The following GRAMD4 variants were observed in gnomAD, a reference collection of about 807,000 sequenced individuals.
The protein encoded by GRAMD4 is GRAM domain-containing protein 4.
A neutral mutation model predicts 83.9 loss-of-function variants in GRAMD4; 25 were observed. The ratio of observed to expected loss-of-function variants is 0.30; its 90% CI spans 0.22 to 0.42. GRAMD4 has a LOEUF of 0.42. GRAMD4 is among the 10% of genes least tolerant of loss of function. The pLI is 1.00. For synonymous variants in GRAMD4, 336 were observed against 320.9 expected, an observed-to-expected ratio of 1.05 and a Z score of -0.50; for missense variants, 593 against 788.7, an observed-to-expected ratio of 0.75 and a Z score of 2.97.
chr22:46,612,323 TTGTTAC>T (rs1404368966), intron 1 of GRAMD4, among the ~76,000 whole-genome samples: 1 of 152,188 alleles, frequency 6.6e-6, no homozygotes, highest in African/African-American at 2.4e-5. Flanking sequence ...ACTGTTGTTA[TTGTTAC>T]TGTTACTGTG....
chr22:46,677,063 G>T lies in GRAMD4; in HGVS notation c.1633-84G>T. 5 of 1,523,418 alleles carry T rather than the reference G, an allele frequency of 3.3e-6. No homozygotes were observed. The South Asian group carries it at 3.4e-5, about 10-fold the overall frequency. The allele number at this position is 1,523,418 out of a possible 1,614,324, so 94.4% of individuals were successfully genotyped here. A position where few individuals can be genotyped will look rare whatever the true frequency, so the allele number is the denominator to read the frequency against. On this transcript the variant is annotated intron_variant, in intron 18 of 18. Transcript: ENST00000406902. ...CACGTGACTAGCGTGCTGGCCTGGG[G>T]CTGGTGTTGGACTTCGTCTCGGTCC...
In GRAMD4 at chr22:46,650,749, G is replaced by T. The variant is rs1207188896; in HGVS notation, c.284-7438G>T. Among the ~76,000 whole-genome samples the T allele has an allele frequency of 2.0e-5, 3 of 152,322 alleles. No homozygotes were observed. The East Asian group carries it at 5.8e-4, about 29-fold the overall frequency. Reference sequence around the variant, plus strand: ...GCCAGGCTCTTGTCCTGTCCCGGGGGCTCCTAGTCTGTGGCTGATTCTGCT... The same window carrying T: ...GCCAGGCTCTTGTCCTGTCCCGGGGTCTCCTAGTCTGTGGCTGATTCTGCT... On this transcript the variant is annotated intron_variant, in intron 3 of 18. Coordinates refer to ENST00000406902, the MANE Select transcript of GRAMD4 (RefSeq NM_015124.5).
rs1244826706 is a variant in GRAMD4 at position 46,622,912 on chromosome 22, T to TAA, written c.-50+2365_-50+2366dup. On this transcript the variant is annotated intron_variant, in intron 1 of 18. Coordinates refer to ENST00000406902, the MANE Select transcript of GRAMD4 (RefSeq NM_015124.5). This position sits in a 1 kb window ranked among gnomAD's most constrained non-coding sequence, Gnocchi z 4.0. ...GGGCGACAGAGCAAGACTCCATCTCTAAAAAAAAAAAAAAAAAAACTGATG... is the reference window on the plus strand; with the variant it reads ...GGGCGACAGAGCAAGACTCCATCTCTAAAAAAAAAAAAAAAAAAAAACTGATG... Among the ~76,000 whole-genome samples, 288 of 110,212 alleles carry TAA rather than the reference T, an allele frequency of 2.6e-3. No individual in the cohort carries two copies. The highest frequency in any genetic ancestry group is 9.0e-3 in the African/African-American group (244 of 27,150). 72.3% of individuals were successfully genotyped at this position (110,212 alleles called of 152,430 possible). A position where few individuals can be genotyped will look rare whatever the true frequency, so the allele number is the denominator to read the frequency against.
chr22:46,586,102 C>G (rs997401893), intron 1 of GRAMD4, among the ~76,000 whole-genome samples: 14 of 152,156 alleles, frequency 9.2e-5, no homozygotes, highest in East Asian at 7.8e-4. Context: ...CTGGCTCCCC[C>G]AGTCTGGGAC....
At chr22:46,615,021 G>A (rs1457473936) in intron 1 of GRAMD4, among the ~76,000 whole-genome samples, 32 of 70,628 alleles carry the variant, frequency 4.5e-4, no homozygotes, top group South Asian at 7.4e-4. Flanking sequence ...CTGTGCGTGT[G>A]GGTTCCCCCG....
At chr22:46,655,031 G>A (rs559850100) in intron 3 of GRAMD4, among the ~76,000 whole-genome samples, 6 of 152,338 alleles carry the variant, frequency 3.9e-5, no homozygotes, top group African/African-American at 1.4e-4. Context: ...GGCTGTTGGG[G>A]AAGTCACTCG....
chr22:46,673,684 G>A lies in GRAMD4; in HGVS notation c.1254G>A (p.Ser418=), dbSNP rs146325443. 321 of 1,611,954 alleles carry A rather than the reference G, an allele frequency of 2.0e-4. 1 individual carries two copies. The African/African-American group carries it at 2.8e-3, about 14-fold the overall frequency. ...AAVSRRLQTT[S]SRSYVPSAPA... ...GCCGTTGGCAGCTGCAGACGACCTCGTCACGGAGCTACGTACCCAGCGCAC... is the reference window on the plus strand; with the variant it reads ...GCCGTTGGCAGCTGCAGACGACCTCATCACGGAGCTACGTACCCAGCGCAC... Residue 418 remains serine (S), a synonymous_variant, in exon 15 of 19, where the codon TCG becomes TCA. Coordinates refer to ENST00000406902, the MANE Select transcript of GRAMD4 (RefSeq NM_015124.5).
rs1233170956 is a variant in GRAMD4, at chr22:46,625,103, G to A, written c.-49-1648G>A. Among the ~76,000 whole-genome samples the A allele has an allele frequency of 3.3e-5, 5 of 152,106 alleles. 1 individual carries two copies. The South Asian group carries it at 8.3e-4, about 25-fold the overall frequency. On this transcript the variant is annotated intron_variant, in intron 1 of 18. Coordinates refer to ENST00000406902, the MANE Select transcript of GRAMD4 (RefSeq NM_015124.5). Reference sequence around the variant, plus strand: ...TCTCAATCTCCTGACCTTGTGATCCGCCCGCCTCGGCCTCCCAAAGTGCTG... The same window carrying A: ...TCTCAATCTCCTGACCTTGTGATCCACCCGCCTCGGCCTCCCAAAGTGCTG...
chr22:46,672,897 C>G lies in GRAMD4; in HGVS notation c.1139C>G (p.Pro380Arg), dbSNP rs764265042. The G allele has an allele frequency of 3.5e-5, 56 of 1,612,232 alleles. No homozygotes were observed. Among genetic ancestry groups the G allele is most frequent in the Non-Finnish European group, 4.7e-5 (56 of 1,179,366 alleles). Residue 380 changes from proline (P) to arginine (R), a missense_variant, in exon 14 of 19, where the codon CCG becomes CGG. By Grantham distance (103) the Pro-to-Arg change is moderately radical (BLOSUM62 -2). Around this residue, in one of 4 missense-constraint regions of GRAMD4, gnomAD observed 171 missense variants for 199.6 expected, o/e 0.86. Transcript: ENST00000406902. The surrounding 1 kb of genome is among the most constrained non-coding windows in gnomAD (Gnocchi z 4.7). ...FLIDFIFKRC[P>R]RLRAKYDTPY... ...ATTGATTTCATCTTTAAACGCTGCCCGAGGCTGCGCGCCAAGTACGACACG... is the reference window on the plus strand; with the variant it reads ...ATTGATTTCATCTTTAAACGCTGCCGGAGGCTGCGCGCCAAGTACGACACG...
At position 46,658,171 on chromosome 22, in the gene GRAMD4, G is replaced by T. The variant is rs370497398; in HGVS notation, c.284-16G>T. ...GGACATGAGCGATGGTCACCTGGCC[G>T]TTCTCTCCCCCATAGAGGAGGAGCT... On this transcript the variant is annotated splice_polypyrimidine_tract_variant and intron_variant, in intron 3 of 18. Coordinates refer to ENST00000406902, the MANE Select transcript of GRAMD4 (RefSeq NM_015124.5). The T allele has an allele frequency of 3.1e-6, 5 of 1,613,330 alleles. No individual in the cohort carries two copies. The Admixed American group carries it at 5.0e-5, about 16-fold the overall frequency.
intron 10 of GRAMD4, 134 bp from the exon 11 acceptor site, chr22:46,667,962 G>T (rs1333257551): frequency 3.1e-6 from 2 of 654,286 alleles, no homozygotes; most frequent in Admixed American, 5.2e-5. Flanking sequence ...AGGTCCCCAA[G>T]GGATGTCCCA....
At chr22:46,584,920 C>G (rs368976739) in intron 1 of GRAMD4, among the ~76,000 whole-genome samples, 1 of 152,244 alleles carries the variant, frequency 6.6e-6, no homozygotes, top group Non-Finnish European at 1.5e-5. Flanking sequence ...CTTTAGAGCT[C>G]AGACAAATCT....
rs1367021635 is a variant in GRAMD4 at position 46,679,228 on chromosome 22, C to A, written c.*1977C>A. On this transcript the variant is annotated 3_prime_UTR_variant, in exon 19 of 19. Transcript: ENST00000406902. Reference sequence around the variant, plus strand: ...CTCTTCCTAGGTGCTGGGATTCAGTCCCCAAACACAGCGGGAGGGGTCCCT... The same window carrying A: ...CTCTTCCTAGGTGCTGGGATTCAGTACCCAAACACAGCGGGAGGGGTCCCT... 1.2e-5 allele frequency: 12 copies of A among 985,548 alleles called. No homozygotes were observed. Among genetic ancestry groups the A allele is most frequent in the Non-Finnish European group, 1.3e-5 (11 of 829,984 alleles). The allele number at this position is 985,548 out of a possible 1,614,324, so 61.1% of individuals were successfully genotyped here. A position where few individuals can be genotyped will look rare whatever the true frequency, so the allele number is the denominator to read the frequency against.
chr22:46,605,343 C>T (rs895053952), intron 1 of GRAMD4, among the ~76,000 whole-genome samples: 11 of 152,202 alleles, frequency 7.2e-5, no homozygotes, highest in Non-Finnish European at 1.3e-4. Flanking sequence ...GTTGCTTATT[C>T]GTTCATCTGT....
At chr22:46,584,453 G>A (rs1221371383) in intron 1 of GRAMD4, among the ~76,000 whole-genome samples, 5 of 152,120 alleles carry the variant, frequency 3.3e-5, no homozygotes, top group South Asian at 2.1e-4. Context: ...ACTCTGATCC[G>A]TTTCCTGCAT....
intron 1 of GRAMD4, among the ~76,000 whole-genome samples, chr22:46,594,512 C>A (rs2147022015): frequency 6.6e-6 from 1 of 151,544 alleles, no homozygotes; most frequent in Non-Finnish European, 1.5e-5. Context: ...GGGGGAGGCT[C>A]CTGGCCCTCT....
intron 1 of GRAMD4, among the ~76,000 whole-genome samples, chr22:46,626,545 C>G (rs2081662385): frequency 6.6e-6 from 1 of 152,026 alleles, no homozygotes; most frequent in Admixed American, 6.5e-5. Flanking sequence ...TCGGGGTTTT[C>G]TTTGGAAAGC....
At chr22:46,655,380 C>T (rs1386923591) in intron 3 of GRAMD4, among the ~76,000 whole-genome samples, 9 of 152,108 alleles carry the variant, frequency 5.9e-5, no homozygotes, top group Non-Finnish European at 1.2e-4. Flanking sequence ...TTGTGCTTTA[C>T]AAGCAGCCTT....
chr22:46,661,271 C>T, intron 4 of GRAMD4, 110 bp from the exon 5 acceptor site: 1 of 779,612 alleles, frequency 1.3e-6, no homozygotes, highest in Non-Finnish European at 2.2e-6. Flanking sequence ...CCCTGCTGTC[C>T]CTGACCTCTC....
Sources: allele counts gnomAD v4.1 joint callset (sites outside exome capture counted in the v4.1 genomes callset), GRCh38; gene constraint gnomAD v4.1.1; regional missense constraint gnomAD v4.1.1; non-coding constraint Gnocchi (gnomAD v3.1); transcripts MANE v1.5; gene names NCBI Gene and HGNC (gene_info 2026-07-23, HGNC 2026-07-21).